KLHL4: variants seen among roughly 807,000 people sequenced by gnomAD.
KLHL4 encodes the protein kelch like family member 4, also known as kelch-like protein 4.
Under a neutral mutation model 45.8 loss-of-function variants are expected in KLHL4, and 17 were observed. The observed-to-expected ratio is 0.37, with a 90% CI of 0.25 to 0.56. KLHL4 has a LOEUF of 0.56. Among genes scored for constraint, KLHL4 ranks in the 20% least tolerant of loss-of-function variants. KLHL4 has a pLI of 0.79. For synonymous variants in KLHL4, 224 were observed against 189.9 expected (o/e 1.18, Z -1.47); for missense variants, 544 against 544.9 (o/e 1.00, Z 0.02).
At position 87,635,674 on chromosome X, in the gene KLHL4, A is replaced by C. The variant is rs760555952; in HGVS notation, c.1824A>C (p.Gly608=). Residue 608 remains glycine (G), a synonymous_variant, in exon 9 of 11, where the codon GGA becomes GGC. Transcript: ENST00000373119. ...SLCAPMSKRR[G]GVGVATYNGF... Reference sequence around the variant, plus strand: ...GTGCTCCAATGTCCAAAAGACGTGGAGGTGTGGGAGTTGCCACATACAATG... The same window carrying C: ...GTGCTCCAATGTCCAAAAGACGTGGCGGTGTGGGAGTTGCCACATACAATG... 8 of 1,208,431 alleles carry C rather than the reference A, an allele frequency of 6.6e-6. No homozygotes were observed. In the African/African-American group the frequency reaches 1.4e-4, roughly 21 times the overall value.
intron 6 of KLHL4, among the ~76,000 whole-genome samples, chrX:87,628,604 G>A (rs1336054032): frequency 9.0e-6 from 1 of 111,382 alleles, no homozygotes; most frequent in African/African-American, 3.3e-5. Context: ...TACATATTGA[G>A]TACAGTGTAC....
intron 1 of KLHL4, among the ~76,000 whole-genome samples, chrX:87,587,507 A>G (rs1470021517): frequency 8.9e-6 from 1 of 111,928 alleles, no homozygotes; most frequent in Non-Finnish European, 1.9e-5. Context: ...CAAATTAATC[A>G]ATGTGATACA....
chrX:87,616,519 G>A (rs1165587831), intron 3 of KLHL4, among the ~76,000 whole-genome samples: 1 of 111,591 alleles, frequency 9.0e-6, no homozygotes, highest in African/African-American at 3.3e-5. Flanking sequence ...AGCATTCGTA[G>A]GATAAGATAA....
intron 1 of KLHL4, among the ~76,000 whole-genome samples, chrX:87,588,994 A>T (rs1649674598): frequency 8.9e-6 from 1 of 112,291 alleles, no homozygotes; most frequent in Non-Finnish European, 1.9e-5. Context: ...TGATCAAAAA[A>T]TGAGCAAAAG....
intron 1 of KLHL4, among the ~76,000 whole-genome samples, chrX:87,553,055 T>A (rs72634504): frequency 0.18 from 20,022 of 110,056 alleles, 1,463 homozygotes; most frequent in East Asian, 0.25. Flanking sequence ...GTAACAAAAC[T>A]TCTCATGTAC....
chrX:87,627,141 C>T (rs1196832533), intron 6 of KLHL4, among the ~76,000 whole-genome samples: 4 of 111,481 alleles, frequency 3.6e-5, no homozygotes, highest in Admixed American at 9.6e-5. Flanking sequence ...TATCAGCATC[C>T]GGCCCCTGAA....
intron 1 of KLHL4, among the ~76,000 whole-genome samples, chrX:87,597,222 A>G (rs1007185374): frequency 4.6e-4 from 47 of 102,851 alleles, no homozygotes; most frequent in Non-Finnish European, 8.2e-5. Context: ...TACCTGTCGC[A>G]TAGTAAGTGA....
chrX:87,587,632 G>A (rs1361266331), intron 1 of KLHL4, among the ~76,000 whole-genome samples: 1 of 111,026 alleles, frequency 9.0e-6, no homozygotes, highest in Non-Finnish European at 1.9e-5. Flanking sequence ...TAAAACAACT[G>A]GGGATAGAGG....
chrX:87,589,608 A>G (rs1569348019), intron 1 of KLHL4, among the ~76,000 whole-genome samples: 1 of 111,893 alleles, frequency 8.9e-6, no homozygotes, highest in Non-Finnish European at 1.9e-5. Context: ...CTAAAAATCA[A>G]AACAATTGAA....
intron 1 of KLHL4, among the ~76,000 whole-genome samples, chrX:87,613,441 T>C (rs923279278): frequency 9.8e-5 from 11 of 112,080 alleles, no homozygotes; most frequent in African/African-American, 3.6e-4. Context: ...GAGGAATATT[T>C]CTGATGTGTA....
chrX:87,665,900 G>A (rs1924352721), intron 10 of KLHL4, among the ~76,000 whole-genome samples: 1 of 111,319 alleles, frequency 9.0e-6, no homozygotes, highest in Admixed American at 9.6e-5. Context: ...TACAATGTAG[G>A]TAGCTGCTGT....
intron 1 of KLHL4, among the ~76,000 whole-genome samples, chrX:87,592,465 A>G (rs1342860251): frequency 1.8e-5 from 2 of 111,610 alleles, no homozygotes; most frequent in Non-Finnish European, 3.8e-5. Context: ...TTACTAATTT[A>G]CATTCCCACC....
chrX:87,594,328 T>C (rs746695598), intron 1 of KLHL4, among the ~76,000 whole-genome samples: 1 of 111,933 alleles, frequency 8.9e-6, no homozygotes, highest in East Asian at 2.8e-4. Flanking sequence ...CTTTCTACTA[T>C]ATATTGACAT....
chrX:87,648,320 G>T (rs759116950), intron 9 of KLHL4, among the ~76,000 whole-genome samples: 1 of 111,490 alleles, frequency 9.0e-6, no homozygotes, highest in Non-Finnish European at 1.9e-5. Context: ...GGTAGAATTT[G>T]TATTTTGCAG....
At chrX:87,624,402 A>G (rs930612194) in intron 5 of KLHL4, among the ~76,000 whole-genome samples, 2 of 112,351 alleles carry the variant, frequency 1.8e-5, no homozygotes, top group Non-Finnish European at 3.8e-5. Context: ...GAGTATTTTT[A>G]GGGAAAAATA....
intron 1 of KLHL4, among the ~76,000 whole-genome samples, chrX:87,591,707 A>C (rs967448562): frequency 2.7e-5 from 3 of 111,568 alleles, no homozygotes; most frequent in Non-Finnish European, 5.7e-5. Context: ...GGACTTATTA[A>C]TTTAACATTT....
At position 87,664,955 on chromosome X, in the gene KLHL4, C is replaced by T. The variant is rs767489722; in HGVS notation, c.2097+20C>T. 1 of 1,001,110 alleles carries T rather than the reference C, an allele frequency of 1.0e-6. No homozygotes were observed. Among genetic ancestry groups the T allele is most frequent in the Non-Finnish European group, 1.4e-6 (1 of 728,430 alleles). The allele number at this position is 1,001,110 out of a possible 1,213,427, so 82.5% of individuals were successfully genotyped here. A position where few individuals can be genotyped will look rare whatever the true frequency, so the allele number is the denominator to read the frequency against. On this transcript the variant is annotated intron_variant, in intron 10 of 10. Coordinates refer to ENST00000373119, the MANE Select transcript of KLHL4 (RefSeq NM_019117.5). ...AAAGAGGTATTCGAATTAAAATATTCAAATTACTATATTTCAGGTTTTAAA... is the reference window on the plus strand; with the variant it reads ...AAAGAGGTATTCGAATTAAAATATTTAAATTACTATATTTCAGGTTTTAAA...
chrX:87,525,240 T>C (rs949677526), intron 1 of KLHL4, among the ~76,000 whole-genome samples: 1 of 111,522 alleles, frequency 9.0e-6, no homozygotes, highest in African/African-American at 3.3e-5. Context: ...GAAAAACTTA[T>C]TTTTTTATCA....
chrX:87,605,338 G>C (rs968441289), intron 1 of KLHL4, among the ~76,000 whole-genome samples: 2 of 111,047 alleles, frequency 1.8e-5, no homozygotes, highest in Non-Finnish European at 3.8e-5. Flanking sequence ...CATTAAATCT[G>C]TAGATTGCAT....
Sources: allele counts gnomAD v4.1 joint callset (sites outside exome capture counted in the v4.1 genomes callset), GRCh38; gene constraint gnomAD v4.1.1; transcripts MANE v1.5; gene names NCBI Gene and HGNC (gene_info 2026-07-23, HGNC 2026-07-21).